Variants in SMYD3 observed in about 807,000 individuals in gnomAD.
SMYD3 encodes the protein SET and MYND domain containing 3.
A neutral mutation model predicts 57.7 loss-of-function variants in SMYD3; 36 were observed. The ratio of observed to expected loss-of-function variants is 0.62; its 90% CI spans 0.48 to 0.82. The LOEUF (loss-of-function observed/expected upper bound fraction) is 0.82, where lower values mean the gene tolerates loss of function less well. Among genes scored for constraint, SMYD3 ranks in the 40% least tolerant of loss-of-function variants. The pLI is 0.00. For missense variants in SMYD3, 515 were observed against 538.8 expected (o/e 0.96, Z 0.44); for synonymous variants, 211 against 195.0 (o/e 1.08, Z -0.68).
intron 5 of SMYD3, among the ~76,000 whole-genome samples, chr1:246,146,447 C>T (rs1398039156): frequency 6.6e-6 from 1 of 152,164 alleles, no homozygotes; most frequent in East Asian, 1.9e-4. Flanking sequence ...GGGAAAGAGA[C>T]CTCTGTCCAA....
At chr1:246,049,947 A>G (rs2060039159) in intron 5 of SMYD3, among the ~76,000 whole-genome samples, 1 of 152,230 alleles carries the variant, frequency 6.6e-6, no homozygotes, top group African/African-American at 2.4e-5. Flanking sequence ...TTTTCAATAG[A>G]CGTAGTAAAT....
intron 1 of SMYD3, among the ~76,000 whole-genome samples, chr1:246,387,839 G>C (rs1488790237): frequency 3.6e-5 from 5 of 140,400 alleles, no homozygotes; most frequent in Non-Finnish European, 7.6e-5. Context: ...AAATGAAAAA[G>C]CATTCATTCT....
intron 10 of SMYD3, among the ~76,000 whole-genome samples, chr1:245,811,625 CCTCT>C (rs1471574227): frequency 6.6e-6 from 1 of 152,118 alleles, no homozygotes. Flanking sequence ...CCATTTCCAC[CCTCT>C]CTCTACCAGA....
chr1:246,368,504 A>C (rs920203682), intron 1 of SMYD3, among the ~76,000 whole-genome samples: 1 of 152,214 alleles, frequency 6.6e-6, no homozygotes, highest in East Asian at 1.9e-4. Context: ...ACACATTCCT[A>C]TATAATCAAC....
At chr1:246,045,185 G>C (rs12084542) in intron 5 of SMYD3, among the ~76,000 whole-genome samples, 10 of 152,106 alleles carry the variant, frequency 6.6e-5, no homozygotes, top group Non-Finnish European at 1.5e-5. Flanking sequence ...TCAATCCTAA[G>C]CCAAAAGAAC....
At chr1:245,841,291 G>C (rs927217323) in intron 10 of SMYD3, among the ~76,000 whole-genome samples, 1 of 152,182 alleles carries the variant, frequency 6.6e-6, no homozygotes, top group Non-Finnish European at 1.5e-5. Flanking sequence ...TAGCCAAAAA[G>C]TGAGTAGAGC....
At chr1:246,334,727 C>CT (rs1241379173) in intron 3 of SMYD3, among the ~76,000 whole-genome samples, 4 of 152,184 alleles carry the variant, frequency 2.6e-5, no homozygotes, top group East Asian at 1.9e-4. Context: ...AAAAGCAAAA[C>CT]TTTTTTTAAA....
chr1:246,350,107 G>A (rs899385280), intron 2 of SMYD3, among the ~76,000 whole-genome samples: 3 of 152,130 alleles, frequency 2.0e-5, no homozygotes. Flanking sequence ...CAAAAGAAAA[G>A]CAGAAAGAGC....
At chr1:246,193,961 G>C (rs1176986778) in intron 5 of SMYD3, among the ~76,000 whole-genome samples, 2 of 152,188 alleles carry the variant, frequency 1.3e-5, no homozygotes, top group Non-Finnish European at 2.9e-5. Context: ...ACGCAAGCCA[G>C]TGCTGGGGAA....
chr1:246,506,554 T>G (rs1181440791), intron 1 of SMYD3, among the ~76,000 whole-genome samples: 1 of 152,046 alleles, frequency 6.6e-6, no homozygotes, highest in East Asian at 1.9e-4. Flanking sequence ...ACCACAGAGG[T>G]GCACCGTAGA....
At chr1:246,042,812 A>G (rs1999895) in intron 5 of SMYD3, among the ~76,000 whole-genome samples, 69,712 of 151,962 alleles carry the variant, frequency 0.46, 17,528 homozygotes, top group East Asian at 0.8. Flanking sequence ...CCAACCCCAG[A>G]AACCCTGTAT....
At chr1:245,872,858 G>A (rs917325612) in intron 8 of SMYD3, among the ~76,000 whole-genome samples, 8 of 152,330 alleles carry the variant, frequency 5.3e-5, no homozygotes, top group African/African-American at 1.2e-4. Flanking sequence ...TCTGGGAAAC[G>A]GAGCACAGCC....
At chr1:246,291,615 G>GT (rs1242292606) in intron 5 of SMYD3, among the ~76,000 whole-genome samples, 3 of 152,164 alleles carry the variant, frequency 2.0e-5, no homozygotes, top group Admixed American at 6.5e-5. Flanking sequence ...AGAAAAACCA[G>GT]TAATTTAAGC....
intron 5 of SMYD3, among the ~76,000 whole-genome samples, chr1:246,185,321 C>G (rs1034690229): frequency 1.3e-5 from 2 of 151,814 alleles, no homozygotes; most frequent in Admixed American, 1.3e-4. Flanking sequence ...ACTGCAACCT[C>G]CGCCTCCCGG....
At chr1:245,859,611 G>A (rs1310287846) in intron 9 of SMYD3, among the ~76,000 whole-genome samples, 4 of 152,200 alleles carry the variant, frequency 2.6e-5, no homozygotes, top group Non-Finnish European at 5.9e-5. Flanking sequence ...GCAGGACCCT[G>A]GGACCTCGCA....
At chr1:246,349,441 C>T (rs1467641729) in intron 2 of SMYD3, among the ~76,000 whole-genome samples, 2 of 152,028 alleles carry the variant, frequency 1.3e-5, no homozygotes, top group African/African-American at 2.4e-5. Context: ...CCCATCCCCA[C>T]ACAAAATACA....
chr1:245,923,410 A>C (rs2056131544), intron 7 of SMYD3, among the ~76,000 whole-genome samples: 1 of 152,148 alleles, frequency 6.6e-6, no homozygotes, highest in African/African-American at 2.4e-5. Context: ...CCTATAGACC[A>C]GCCAATGTTA....
intron 5 of SMYD3, among the ~76,000 whole-genome samples, chr1:246,014,376 C>T (rs998741701): frequency 6.6e-6 from 1 of 152,082 alleles, no homozygotes; most frequent in Non-Finnish European, 1.5e-5. Flanking sequence ...TTGTCAAGTG[C>T]GGCCTATATG....
At chr1:246,290,279 A>AT (rs1342866344) in intron 5 of SMYD3, among the ~76,000 whole-genome samples, 4 of 152,162 alleles carry the variant, frequency 2.6e-5, no homozygotes, top group Middle Eastern at 3.2e-3. Context: ...CTTTTGGCCA[A>AT]TTTCTACTGT....
Sources: allele counts gnomAD v4.1 joint callset (sites outside exome capture counted in the v4.1 genomes callset), GRCh38; gene constraint gnomAD v4.1.1; transcripts MANE v1.5; gene names NCBI Gene and HGNC (gene_info 2026-07-23, HGNC 2026-07-21).